HHIPL1: variants seen among roughly 807,000 people sequenced by gnomAD.
HHIPL1 encodes HHIP like 1.
A neutral mutation model predicts 61.8 loss-of-function variants in HHIPL1; 43 were observed. That is an observed-to-expected ratio of 0.70 (90% CI 0.55 to 0.90). The LOEUF is 0.90. Among genes scored for constraint, HHIPL1 ranks in the 40% least tolerant of loss-of-function variants. The pLI is 0.00. For synonymous variants in HHIPL1, 482 were observed against 515.8 expected (o/e 0.93, Z 0.89); for missense variants, 1,056 against 1,157.7 (o/e 0.91, Z 1.28).
intron 6 of HHIPL1, among the ~76,000 whole-genome samples, chr14:99,663,825 A>C (rs73348566): frequency 0.035 from 5,278 of 152,266 alleles, 295 homozygotes; most frequent in African/African-American, 0.12. Flanking sequence ...TAGTCTAATA[A>C]CATGGGTAAG....
At chr14:99,667,101 C>T (rs1039360813) in intron 6 of HHIPL1, among the ~76,000 whole-genome samples, 4 of 151,834 alleles carry the variant, frequency 2.6e-5, no homozygotes, top group African/African-American at 9.7e-5. Flanking sequence ...TCCCTGCCCC[C>T]AGTCCAGCTG....
At chr14:99,640,835 T>TATC (rs1240607360), upstream of HHIPL1, among the ~76,000 whole-genome samples, 2 of 150,302 alleles carry the variant, frequency 1.3e-5, no homozygotes, top group African/African-American at 4.9e-5. Context: ...TTCTGACCTA[T>TATC]ATCATCTTCT....
the HHIPL1 span, among the ~76,000 whole-genome samples, chr14:99,626,900 G>A: frequency 1.3e-5 from 2 of 152,202 alleles, no homozygotes; most frequent in Non-Finnish European, 2.9e-5. Flanking sequence ...GCCTGATGCA[G>A]GGCTTATCCC....
At chr14:99,628,532 G>T in the HHIPL1 span, among the ~76,000 whole-genome samples, 2 of 138,964 alleles carry the variant, frequency 1.4e-5, no homozygotes, top group African/African-American at 5.5e-5. Flanking sequence ...AGTGAGTTGA[G>T]ATCATGTCAT....
At chr14:99,658,307 G>A (rs1472869168) in intron 3 of HHIPL1, among the ~76,000 whole-genome samples, 1 of 152,210 alleles carries the variant, frequency 6.6e-6, no homozygotes, top group Non-Finnish European at 1.5e-5. Context: ...ATCCTGGCAT[G>A]TGACGCGTGG....
the HHIPL1 span, among the ~76,000 whole-genome samples, chr14:99,604,931 GC>G: frequency 6.6e-6 from 1 of 152,080 alleles, no homozygotes; most frequent in Non-Finnish European, 1.5e-5. Context: ...CGGGTCCCCT[GC>G]CGGAGCACGC....
At chr14:99,656,822 AG>A (rs1566809782) in intron 2 of HHIPL1, among the ~76,000 whole-genome samples, 177 bp from the exon 3 acceptor site, 24,725 of 39,530 alleles carry the variant, frequency 0.63, 7,116 homozygotes, top group East Asian at 0.74. Context: ...AAAGAAAGAA[AG>A]AAAGAAAGAA....
At chr14:99,621,709 C>CTTTTTTTTTTTT in the HHIPL1 span, among the ~76,000 whole-genome samples, 647 of 84,472 alleles carry the variant, frequency 7.7e-3, 3 homozygotes, top group Non-Finnish European at 9.9e-3. Context: ...CTTTTCTTTT[C>CTTTTTTTTTTTT]TTTTTTTTTT....
At chr14:99,640,394 C>T (rs368614220), upstream of HHIPL1, among the ~76,000 whole-genome samples, 37 of 152,218 alleles carry the variant, frequency 2.4e-4, no homozygotes, top group East Asian at 6.6e-3. Context: ...AATCAATCCT[C>T]CTACCTCAGC....
rs2056137233 is a variant in HHIPL1 at position 99,660,653 on chromosome 14, A to G, written c.1502+247A>G. ...CACAACTCATGGCATTAAAGACTGGAGGCTTGCTTAAGTGCGGGTCCCGTG... is the reference window on the plus strand; with the variant it reads ...CACAACTCATGGCATTAAAGACTGGGGGCTTGCTTAAGTGCGGGTCCCGTG... On this transcript the variant is annotated intron_variant, in intron 5 of 8. Coordinates refer to ENST00000330710, the MANE Select transcript of HHIPL1 (RefSeq NM_001127258.3). The surrounding 1 kb of genome is among the most constrained non-coding windows in gnomAD (Gnocchi z 4.9). Among the ~76,000 whole-genome samples the G allele has an allele frequency of 6.6e-6, 1 of 152,144 alleles. No individual in the cohort carries two copies. The highest frequency in any genetic ancestry group is 2.1e-4 in the South Asian group (1 of 4,832).
At position 99,668,787 on chromosome 14, in the gene HHIPL1, T is replaced by C. The variant is rs116629554; in HGVS notation, c.1730+484T>C. ...TCCATCTTCCACTGGGGAAAACACA[T>C]TGGGGCTCCCTTCGCCGGCTCCATC... On this transcript the variant is annotated intron_variant, in intron 7 of 8. Transcript: ENST00000330710. This position sits in a 1 kb window ranked among gnomAD's most constrained non-coding sequence, Gnocchi z 4.7. 4.5e-3 allele frequency: 7,257 copies of C among 1,605,998 alleles called. 197 individuals are homozygous for C. The African/African-American group carries it at 0.071, about 16-fold the overall frequency.
chr14:99,679,645 T>C lies in HHIPL1; in HGVS notation c.*4019T>C, dbSNP rs2056421513. On this transcript the variant is annotated 3_prime_UTR_variant, in exon 9 of 9. Coordinates refer to ENST00000330710, the MANE Select transcript of HHIPL1 (RefSeq NM_001127258.3). Reference sequence around the variant, plus strand: ...AGTCCTGGCTCTGTGCCTCTCTGAGTCTCATTGCAAAATAGAGGTCACCAG... The same window carrying C: ...AGTCCTGGCTCTGTGCCTCTCTGAGCCTCATTGCAAAATAGAGGTCACCAG... 1.3e-5 allele frequency: 2 copies of C among 152,188 alleles called. No homozygotes were observed. The highest frequency in any genetic ancestry group is 4.1e-4 in the South Asian group (2 of 4,832). The allele number at this position is 152,188 out of a possible 1,614,324, so 9.4% of individuals were successfully genotyped here.
Position 99,659,499 on chromosome 14 carries a change from C to T in HHIPL1, c.1118C>T (p.Pro373Leu), listed in dbSNP as rs1040978445. ...GAGCGCGGCCTGCCCTACGGCATCC[C>T]GCCCGACAACCCGTTCGTGGGCGAC... Reference protein sequence around the residue: ...RKERGLPYGIPPDNPFVGDPA... With the variant: ...RKERGLPYGILPDNPFVGDPA... The change falls in exon 4 of 9, where the codon CCG (proline) becomes CTG (leucine). Residue 373 changes from proline (P) to leucine (L), a missense_variant. Physicochemically the swap from Pro to Leu is moderately conservative, Grantham distance 98 (BLOSUM62 -3). Transcript: ENST00000330710. 96 of 1,540,156 alleles carry T rather than the reference C, an allele frequency of 6.2e-5. No individual in the cohort carries two copies. The highest frequency in any genetic ancestry group is 8.0e-5 in the Non-Finnish European group (92 of 1,147,766).
chr14:99,631,947 CAGA>C, the HHIPL1 span, among the ~76,000 whole-genome samples: 1 of 152,184 alleles, frequency 6.6e-6, no homozygotes, highest in African/African-American at 2.4e-5. Context: ...GGGCTCTAAG[CAGA>C]AGGCCAGCCC....
At chr14:99,606,805 C>T in the HHIPL1 span, among the ~76,000 whole-genome samples, 1 of 152,124 alleles carries the variant, frequency 6.6e-6, no homozygotes, top group Admixed American at 6.5e-5. Context: ...CTCTGCTCCC[C>T]ACACCAGGGC....
chr14:99,631,112 C>CTT, the HHIPL1 span, among the ~76,000 whole-genome samples: 82 of 131,768 alleles, frequency 6.2e-4, no homozygotes, highest in African/African-American at 2.3e-3. Context: ...TTCTTTCTCT[C>CTT]TCTTTCTTTC....
the HHIPL1 span, among the ~76,000 whole-genome samples, chr14:99,624,169 C>T: frequency 6.6e-6 from 1 of 152,184 alleles, no homozygotes; most frequent in Non-Finnish European, 1.5e-5. Context: ...CCAGAGCTGA[C>T]TCTCCACCCT....
the HHIPL1 span, among the ~76,000 whole-genome samples, chr14:99,617,784 G>A: frequency 1.3e-5 from 2 of 152,154 alleles, no homozygotes; most frequent in African/African-American, 4.8e-5. Flanking sequence ...AAGGAAGCCT[G>A]GTCAGGCCCT....
At chr14:99,662,264 G>C (rs1017902951) in intron 5 of HHIPL1, among the ~76,000 whole-genome samples, 3 of 152,170 alleles carry the variant, frequency 2.0e-5, no homozygotes, top group African/African-American at 7.2e-5. Context: ...GGGGCCTTCA[G>C]GGAGGGCTTC....
Sources: gnomAD v4.1 joint callset for allele counts (sites outside exome capture counted in the v4.1 genomes callset) on GRCh38, gnomAD v4.1.1 for gene constraint, Gnocchi (gnomAD v3.1) non-coding constraint, MANE v1.5 for transcripts, NCBI Gene and HGNC (gene_info 2026-07-23, HGNC 2026-07-21) for gene names.